The following ZMYND8 variants were observed in gnomAD, a reference collection of about 807,000 sequenced individuals.
The protein encoded by ZMYND8 is zinc finger MYND-type containing 8, also known as MYND-type zinc finger-containing chromatin reader ZMYND8.
Under a neutral mutation model 140.8 loss-of-function variants are expected in ZMYND8, and 37 were observed. The observed-to-expected ratio is 0.26, with a 90% CI of 0.20 to 0.35. The LOEUF (loss-of-function observed/expected upper bound fraction) is 0.35. Ranked by LOEUF, ZMYND8 falls within the 10% of genes least tolerant of loss-of-function variation. The pLI, the probability that ZMYND8 is intolerant of heterozygous loss-of-function variation, is 1.00. For missense variants in ZMYND8, 1,068 were observed against 1,570.0 expected (o/e 0.68, Z 5.40); for synonymous variants, 592 against 597.1 (o/e 0.99, Z 0.12).
intron 1 of ZMYND8, among the ~76,000 whole-genome samples, chr20:47,350,436 C>T (rs1297799180): frequency 6.6e-6 from 1 of 150,416 alleles, no homozygotes; most frequent in Admixed American, 6.6e-5. Flanking sequence ...TTTCCTACAC[C>T]ACTGATTTCG....
intron 8 of ZMYND8, 140 bp downstream of exon 8, chr20:47,287,089 C>T: frequency 1.5e-6 from 1 of 671,024 alleles, no homozygotes; most frequent in Non-Finnish European, 2.7e-6. Flanking sequence ...TTTTTACTTT[C>T]CTTGAAGAGT....
intron 1 of ZMYND8, 180 bp downstream of exon 1, chr20:47,356,477 T>C: frequency 3.8e-6 from 6 of 1,578,722 alleles, no homozygotes; most frequent in Non-Finnish European, 5.1e-6. Flanking sequence ...CTATGGCTAA[T>C]GGCTACTGAG....
chr20:47,290,345 C>T, intron 6 of ZMYND8, 71 bp from the exon 7 acceptor site: 1 of 1,383,844 alleles, frequency 7.2e-7, no homozygotes, highest in South Asian at 1.3e-5. Flanking sequence ...TCTTGTGTCC[C>T]CACATAATTT....
intron 1 of ZMYND8, among the ~76,000 whole-genome samples, chr20:47,350,338 A>C (rs918057693): frequency 8.5e-4 from 129 of 151,368 alleles, no homozygotes; most frequent in Middle Eastern, 3.4e-3. Context: ...GAAAAAAAAA[A>C]AAAAAAAAAA....
chr20:47,307,575 TAA>T (rs1285810399), intron 3 of ZMYND8, among the ~76,000 whole-genome samples: 1 of 151,630 alleles, frequency 6.6e-6, no homozygotes, highest in African/African-American at 2.4e-5. Flanking sequence ...CCCCATCTCT[TAA>T]AAAGAGGGTA....
chr20:47,269,414 C>A (rs2075775433), intron 11 of ZMYND8, among the ~76,000 whole-genome samples: 1 of 152,128 alleles, frequency 6.6e-6, no homozygotes, highest in Non-Finnish European at 1.5e-5. Flanking sequence ...TCGAATCACT[C>A]CAGACATTTC....
intron 12 of ZMYND8, among the ~76,000 whole-genome samples, chr20:47,259,844 A>G (rs2075026096): frequency 6.6e-6 from 1 of 152,066 alleles, no homozygotes; most frequent in African/African-American, 2.4e-5. Context: ...CAGTGTCCCC[A>G]TCACCCCCTC....
At chr20:47,240,024 G>C (rs1471488620) in intron 14 of ZMYND8, among the ~76,000 whole-genome samples, 5 of 152,038 alleles carry the variant, frequency 3.3e-5, no homozygotes, top group African/African-American at 1.2e-4. Flanking sequence ...ATCACTTGAG[G>C]TCAGGATTTT....
intron 10 of ZMYND8, 112 bp from the exon 11 acceptor site, chr20:47,276,907 TA>T: frequency 2.7e-6 from 2 of 732,302 alleles, no homozygotes; most frequent in Non-Finnish European, 3.7e-6. Flanking sequence ...ATTCTTATTC[TA>T]TTAAAAAAAA....
intron 21 of ZMYND8, among the ~76,000 whole-genome samples, chr20:47,217,737 T>C (rs554253582): frequency 6.6e-6 from 1 of 152,274 alleles, no homozygotes; most frequent in East Asian, 1.9e-4. Context: ...CTTACAGACA[T>C]TGGGGAAAAA....
At chr20:47,343,001 C>CGG (rs962118108) in intron 2 of ZMYND8, among the ~76,000 whole-genome samples, 9 of 151,656 alleles carry the variant, frequency 5.9e-5, no homozygotes, top group African/African-American at 1.9e-4. Context: ...ATAGGCCAGC[C>CGG]GGGCATGGTG....
In ZMYND8 at chr20:47,279,906, T is replaced by C. The variant is rs138045300; in HGVS notation, c.998+2196A>G. 1.2e-4 allele frequency among the ~76,000 whole-genome samples: 19 copies of C among 152,180 alleles called. No homozygotes were observed. The East Asian group carries it at 3.7e-3, about 29-fold the overall frequency. ...GGGAGGCCAAGGCAGATGGATCGGT[T>C]GAATCCAGGAGTTCAAGACCAGCCT... On this transcript the variant is annotated intron_variant, in intron 10 of 22. Coordinates refer to ENST00000471951, the MANE Select transcript of ZMYND8 (RefSeq NM_001281775.3).
At chr20:47,226,149 C>CT (rs1343455586) in intron 18 of ZMYND8, among the ~76,000 whole-genome samples, 3 of 120,212 alleles carry the variant, frequency 2.5e-5, no homozygotes, top group African/African-American at 4.2e-5. Flanking sequence ...GAGACTCTGT[C>CT]TTAAAAAAAA....
chr20:47,325,395 A>C (rs1233391313), intron 2 of ZMYND8, among the ~76,000 whole-genome samples: 1 of 152,148 alleles, frequency 6.6e-6, no homozygotes, highest in Non-Finnish European at 1.5e-5. Flanking sequence ...GCGACTGTAC[A>C]GGGTTAACAA....
intron 1 of ZMYND8, 57 bp downstream of exon 1, chr20:47,356,600 A>G: frequency 6.2e-7 from 1 of 1,614,070 alleles, no homozygotes; most frequent in Non-Finnish European, 8.5e-7. Context: ...CTGCTCGCCC[A>G]CAATTCGGAT....
chr20:47,260,754 T>C (rs1049080255), intron 12 of ZMYND8, among the ~76,000 whole-genome samples: 1 of 152,218 alleles, frequency 6.6e-6, no homozygotes, highest in Non-Finnish European at 1.5e-5. Flanking sequence ...TGGTGTGAAC[T>C]GCCTTGTTAT....
At chr20:47,271,324 T>C (rs2075931657) in intron 11 of ZMYND8, among the ~76,000 whole-genome samples, 4 of 152,336 alleles carry the variant, frequency 2.6e-5, no homozygotes, top group Admixed American at 6.5e-5. Context: ...ATTTGCCCTA[T>C]TGTATTTCCT....
chr20:47,227,444 C>T (rs992861675), intron 17 of ZMYND8, among the ~76,000 whole-genome samples, 163 bp from the exon 18 acceptor site: 1 of 152,124 alleles, frequency 6.6e-6, no homozygotes, highest in African/African-American at 2.4e-5. Flanking sequence ...CCCAAATTCA[C>T]CAGAAACACT....
chr20:47,213,123 G>C (rs2035525775), intron 21 of ZMYND8, among the ~76,000 whole-genome samples: 1 of 152,140 alleles, frequency 6.6e-6, no homozygotes, highest in Non-Finnish European at 1.5e-5. Flanking sequence ...ACAATTTAAG[G>C]CAATAACTCA....
Sources: allele counts gnomAD v4.1 joint callset (sites outside exome capture counted in the v4.1 genomes callset), GRCh38; gene constraint gnomAD v4.1.1; transcripts MANE v1.5; gene names NCBI Gene and HGNC (gene_info 2026-07-23, HGNC 2026-07-21).